The following COL11A2 variants were observed in gnomAD, a reference collection of about 807,000 sequenced individuals.
COL11A2 encodes collagen type XI alpha 2 chain.
A neutral mutation model predicts 273.4 loss-of-function variants in COL11A2; 116 were observed. That is an observed-to-expected ratio of 0.42 (90% CI 0.36 to 0.49). The LOEUF (loss-of-function observed/expected upper bound fraction) is 0.49. Ranked by LOEUF, COL11A2 falls within the 20% of genes least tolerant of loss-of-function variation. The probability of loss-of-function intolerance (pLI) is 0.00; values close to 1 mark genes in which losing one functional copy is unlikely to be tolerated. For missense variants in COL11A2, 1,866 were observed against 2,309.0 expected (o/e 0.81, Z 3.93); for synonymous variants, 782 against 864.2 (o/e 0.90, Z 1.67).
In COL11A2 at chr6:33,173,368, G is replaced by T; in HGVS notation, c.2716C>A (p.Pro906Thr). 1 of 1,612,774 alleles carries T rather than the reference G, an allele frequency of 6.2e-7. No individual in the cohort carries two copies. The highest frequency in any genetic ancestry group is 8.5e-7 in the Non-Finnish European group (1 of 1,179,944). ...PPGKDGLPGH[P>T]GQRGEVGFQG... ...CTCACCACTTCTCCTCTTTGGCCTG[G>T]GTGTCCCGGCAGCCCATCCTTCCCA... Residue 906 changes from proline to threonine, a missense_variant, in exon 37 of 66, where the codon CCA becomes ACA. Pro to Thr is a conservative substitution (Grantham distance 38). Coordinates refer to ENST00000341947, the MANE Select transcript of COL11A2 (RefSeq NM_080680.3). The surrounding 1 kb of genome is among the most constrained non-coding windows in gnomAD (Gnocchi z 6.3).
Position 33,164,405 on chromosome 6 carries a change from G to T in COL11A2, c.4932C>A (p.Ser1644Arg). The change falls in exon 65 of 66, where the codon AGC (serine) becomes AGA (arginine). Residue 1644 changes from serine (S) to arginine (R), a missense_variant. Physicochemically the swap from Ser to Arg is moderately radical, Grantham distance 110. Coordinates refer to ENST00000341947, the MANE Select transcript of COL11A2 (RefSeq NM_080680.3). This position sits in a 1 kb window ranked among gnomAD's most constrained non-coding sequence, Gnocchi z 4.7. Reference protein sequence around the residue: ...VVQLTFLRLLSVSAHQDVSYP... With the variant: ...VVQLTFLRLLRVSAHQDVSYP... ...AGGAGACGTCCTGGTGGGCTGAGACGCTGAGCAGCCGCAGGAAGGTGAGCT... is the reference window on the plus strand; with the variant it reads ...AGGAGACGTCCTGGTGGGCTGAGACTCTGAGCAGCCGCAGGAAGGTGAGCT... 6.2e-7 allele frequency: 1 copy of T among 1,603,388 alleles called. No individual in the cohort carries two copies. Among genetic ancestry groups the T allele is most frequent in the South Asian group, 1.1e-5 (1 of 89,674 alleles).
In COL11A2 at chr6:33,164,551, G is replaced by A. The variant is rs2150511826; in HGVS notation, c.4864-78C>T. The A allele has an allele frequency of 1.7e-6, 2 of 1,206,020 alleles. No homozygotes were observed. The highest frequency in any genetic ancestry group is 2.3e-6 in the Non-Finnish European group (2 of 871,662). 74.7% of individuals were successfully genotyped at this position (1,206,020 alleles called of 1,614,324 possible). A position where few individuals can be genotyped will look rare whatever the true frequency, so the allele number is the denominator to read the frequency against. On this transcript the variant is annotated intron_variant, in intron 64 of 65. Coordinates refer to ENST00000341947, the MANE Select transcript of COL11A2 (RefSeq NM_080680.3). This position sits in a 1 kb window ranked among gnomAD's most constrained non-coding sequence, Gnocchi z 4.7. Reference sequence around the variant, plus strand: ...AGAGGGAGACAGAGACGGGCCTCAGGAGCATCTACGGCACCAGGACAGCTG... The same window carrying A: ...AGAGGGAGACAGAGACGGGCCTCAGAAGCATCTACGGCACCAGGACAGCTG...
In COL11A2 at chr6:33,165,481, A is replaced by C; in HGVS notation, c.4750+68T>G. 2 of 1,599,252 alleles carry C rather than the reference A, an allele frequency of 1.3e-6. No homozygotes were observed. Among genetic ancestry groups the C allele is most frequent in the South Asian group, 2.2e-5 (2 of 90,946 alleles). On this transcript the variant is annotated intron_variant, in intron 63 of 65. Coordinates refer to ENST00000341947, the MANE Select transcript of COL11A2 (RefSeq NM_080680.3). The surrounding 1 kb of genome is among the most constrained non-coding windows in gnomAD (Gnocchi z 7.7). The stretch of plus-strand genomic sequence containing the variant: ...ACACCTTCACCAAGACTCCCCCAGC[A>C]TCCATTCTGCTTGTTCAGTACCCAT...
In COL11A2 at chr6:33,184,273, C is replaced by G. The variant is rs1216657977; in HGVS notation, c.991G>C (p.Glu331Gln). ...PPTADRFQAEEYGEGGTDPPE... is the reference protein window; with the variant it reads ...PPTADRFQAEQYGEGGTDPPE... ...GGGTCTGTGCCACCCTCCCCATATT[C>G]CTCTGCCTGGAACCTGTCGGCTGTG... Residue 331 changes from glutamate to glutamine, a missense_variant, in exon 8 of 66, where the codon GAA (glutamate) becomes CAA (glutamine). Coordinates refer to ENST00000341947, the MANE Select transcript of COL11A2 (RefSeq NM_080680.3). The G allele has an allele frequency of 2.9e-6, 4 of 1,367,690 alleles. No individual in the cohort carries two copies. In the East Asian group the frequency reaches 1.8e-4, roughly 62 times the overall value. The allele number at this position is 1,367,690 out of a possible 1,614,324, so 84.7% of individuals were successfully genotyped here.
chr6:33,164,488 A>AG lies in COL11A2; in HGVS notation c.4864-16dup. On this transcript the variant is annotated splice_polypyrimidine_tract_variant and intron_variant, in intron 64 of 65. Transcript: ENST00000341947. This position sits in a 1 kb window ranked among gnomAD's most constrained non-coding sequence, Gnocchi z 4.7. ...ACGTAAGAGAACTGGAAGGAGAGAG[A>AG]GGGCTGGCCTCAGAGGGGGAGAGAG... The AG allele has an allele frequency of 8.5e-6, 13 of 1,521,076 alleles. No individual in the cohort carries two copies. Among genetic ancestry groups the AG allele is most frequent in the Non-Finnish European group, 1.2e-5 (13 of 1,128,350 alleles). The allele number at this position is 1,521,076 out of a possible 1,614,324, so 94.2% of individuals were successfully genotyped here.
Position 33,178,796 on chromosome 6 carries a change from G to A in COL11A2, c.1666-64C>T. The stretch of plus-strand genomic sequence containing the variant: ...CTGTCCAAGCCCACCCCTCCCTACT[G>A]CACCCTGAGCTGGGGGGGTGCTGAT... On this transcript the variant is annotated intron_variant, in intron 17 of 65. Coordinates refer to ENST00000341947, the MANE Select transcript of COL11A2 (RefSeq NM_080680.3). The surrounding 1 kb of genome is among the most constrained non-coding windows in gnomAD (Gnocchi z 4.6). The A allele has an allele frequency of 1.2e-6, 2 of 1,604,822 alleles. No homozygotes were observed. Among genetic ancestry groups the A allele is most frequent in the African/African-American group, 2.7e-5 (2 of 74,840 alleles).
chr6:33,180,028 C>T (rs1771514619), intron 12 of COL11A2, among the ~76,000 whole-genome samples: 1 of 152,216 alleles, frequency 6.6e-6, no homozygotes. Context: ...GGTTCTAGAG[C>T]TCCTGAAATA....
rs930849760 is a variant in COL11A2 at position 33,184,978 on chromosome 6, G to A, written c.939+14C>T. On this transcript the variant is annotated intron_variant, in intron 7 of 65. Transcript: ENST00000341947. ...ACTGCCCCCAGATGGGGTGAGGGTG[G>A]GGCATAGAGTTACCTCCTCAAGGGG... 1 of 1,550,114 alleles carries A rather than the reference G, an allele frequency of 6.5e-7. No homozygotes were observed. The highest frequency in any genetic ancestry group is 2.0e-5 in the Admixed American group (1 of 50,976).
chr6:33,175,522 C>G (rs553596696), intron 30 of COL11A2, 52 bp downstream of exon 30: 1 of 1,513,512 alleles, frequency 6.6e-7, no homozygotes, highest in African/African-American at 1.4e-5. Context: ...CCATCCTGAC[C>G]CCAGTGCCCA....
chr6:33,188,266 C>A, intron 4 of COL11A2, 96 bp downstream of exon 4: 7 of 1,416,882 alleles, frequency 4.9e-6, no homozygotes, highest in Non-Finnish European at 7.0e-6. Flanking sequence ...AAAATGAAGG[C>A]CTAGGGAATA....
intron 10 of COL11A2, 44 bp downstream of exon 10, chr6:33,180,920 G>T (rs563385814): frequency 6.2e-7 from 1 of 1,609,960 alleles, no homozygotes; most frequent in South Asian, 1.1e-5. Flanking sequence ...ACATAGAAGG[G>T]GTTTCTAAGA....
At position 33,185,773 on chromosome 6, in the gene COL11A2, A is replaced by T; in HGVS notation, c.804T>A (p.Thr268=). 1 of 1,271,122 alleles carries T rather than the reference A, an allele frequency of 7.9e-7. No homozygotes were observed. The highest frequency in any genetic ancestry group is 1.0e-6 in the Non-Finnish European group (1 of 961,148). The allele number at this position is 1,271,122 out of a possible 1,614,324, so 78.7% of individuals were successfully genotyped here. A position where few individuals can be genotyped will look rare whatever the true frequency, so the allele number is the denominator to read the frequency against. The change falls in exon 6 of 66, where the codon ACT becomes ACA. Residue 268 remains threonine, a synonymous_variant. Transcript: ENST00000341947. ...GCTCGTAGTCATAGTAGAGAGACTC[A>T]GTGGGCTGGGATTGGGGGGTGGGCA... The part of the protein sequence containing the change: ...PQNQEPQSQP[T]ESLYYDYEPP...
intron 7 of COL11A2, 24 bp from the exon 8 acceptor site, chr6:33,184,348 G>T: frequency 7.4e-7 from 1 of 1,351,110 alleles, no homozygotes; most frequent in Non-Finnish European, 9.9e-7. Context: ...GGGAGGGAGA[G>T]GGGTAGATGG....
rs772034254 is a variant in COL11A2 at position 33,167,156 on chromosome 6, G to C, written c.4177-33C>G. 9.3e-6 allele frequency: 15 copies of C among 1,613,920 alleles called. No individual in the cohort carries two copies. Among genetic ancestry groups the C allele is most frequent in the Non-Finnish European group, 1.3e-5 (15 of 1,179,916 alleles). On this transcript the variant is annotated intron_variant, in intron 57 of 65. Coordinates refer to ENST00000341947, the MANE Select transcript of COL11A2 (RefSeq NM_080680.3). The surrounding 1 kb of genome is among the most constrained non-coding windows in gnomAD (Gnocchi z 6.1). The stretch of plus-strand genomic sequence containing the variant: ...GAGATGGGAAGTCATTCTCTTAAGG[G>C]AGAGGTGGGACCAAGTTCTCCCCAA...
Position 33,167,961 on chromosome 6 carries a change from A to G in COL11A2, c.3961-109T>C. On this transcript the variant is annotated intron_variant, in intron 54 of 65. Coordinates refer to ENST00000341947, the MANE Select transcript of COL11A2 (RefSeq NM_080680.3). The surrounding 1 kb of genome is among the most constrained non-coding windows in gnomAD (Gnocchi z 6.1). ...CATACACATGCACACACACACGTGC[A>G]TACACAGGGACACGCGCCGAGGGCC... 2.5e-6 allele frequency: 3 copies of G among 1,200,688 alleles called. No individual in the cohort carries two copies. Among genetic ancestry groups the G allele is most frequent in the Non-Finnish European group, 3.7e-6 (3 of 821,704 alleles). The allele number at this position is 1,200,688 out of a possible 1,614,324, so 74.4% of individuals were successfully genotyped here.
Position 33,172,619 on chromosome 6 carries a change from C to T in COL11A2, c.2809G>A (p.Gly937Ser), listed in dbSNP as rs993223370. 1.2e-5 allele frequency: 20 copies of T among 1,612,374 alleles called. No homozygotes were observed. Among genetic ancestry groups the T allele is most frequent in the African/African-American group, 1.3e-5 (1 of 74,846 alleles). Residue 937 changes from glycine to serine, a missense_variant, in exon 39 of 66, where the codon GGC becomes AGC. Physicochemically the swap from Gly to Ser is moderately conservative, Grantham distance 56. Coordinates refer to ENST00000341947, the MANE Select transcript of COL11A2 (RefSeq NM_080680.3). Reference sequence around the variant, plus strand: ...GGGTGACCTCTCTCCCCCATAGGGCCGGTTTCTCCTGCTGCTCCCTAGACA... The same window carrying T: ...GGGTGACCTCTCTCCCCCATAGGGCTGGTTTCTCCTGCTGCTCCCTAGACA... ...VGPQGAAGET[G>S]PMGERGHPGP...
Position 33,167,407 on chromosome 6 carries a change from C to G in COL11A2, c.4122+19G>C. 1 of 1,612,740 alleles carries G rather than the reference C, an allele frequency of 6.2e-7. No homozygotes were observed. The highest frequency in any genetic ancestry group is 8.5e-7 in the Non-Finnish European group (1 of 1,179,902). On this transcript the variant is annotated intron_variant, in intron 56 of 65. Coordinates refer to ENST00000341947, the MANE Select transcript of COL11A2 (RefSeq NM_080680.3). This position sits in a 1 kb window ranked among gnomAD's most constrained non-coding sequence, Gnocchi z 6.1. ...CCCTCACTCCCACCCCAGCCCAGCC[C>G]TTCCCTGCAGTGACTCACCACTGAG...
At position 33,170,793 on chromosome 6, in the gene COL11A2, C is replaced by T. The variant is rs773642939; in HGVS notation, c.3474+17G>A. On this transcript the variant is annotated intron_variant, in intron 46 of 65. Coordinates refer to ENST00000341947, the MANE Select transcript of COL11A2 (RefSeq NM_080680.3). The surrounding 1 kb of genome is among the most constrained non-coding windows in gnomAD (Gnocchi z 4.3). ...CCTGACCCCACCTCTCAGCCCCTGT[C>T]CTATCCCCCAACACACCTGTAGGCC... The T allele has an allele frequency of 8.1e-6, 13 of 1,611,200 alleles. No individual in the cohort carries two copies. The highest frequency in any genetic ancestry group is 1.1e-5 in the Non-Finnish European group (13 of 1,178,662).
intron 53 of COL11A2, 29 bp downstream of exon 53, chr6:33,168,677 G>C: frequency 6.3e-7 from 1 of 1,588,642 alleles, no homozygotes; most frequent in South Asian, 1.1e-5. Context: ...CTTGGGCTCA[G>C]GGGGGTGGTG....
Sources: allele counts gnomAD v4.1 joint callset (sites outside exome capture counted in the v4.1 genomes callset), GRCh38; gene constraint gnomAD v4.1.1; non-coding constraint Gnocchi (gnomAD v3.1); transcripts MANE v1.5; gene names NCBI Gene and HGNC (gene_info 2026-07-23, HGNC 2026-07-21).